The following RIPOR2 variants were observed in gnomAD, a reference collection of about 807,000 sequenced individuals.
RIPOR2 encodes the protein rho family-interacting cell polarization regulator 2.
In RIPOR2, 39 loss-of-function variants were observed where a neutral mutation model predicts 114.5. The observed-to-expected ratio is 0.34, with a 90% CI of 0.26 to 0.44. RIPOR2 has a LOEUF of 0.44. RIPOR2 is among the 20% of genes least tolerant of loss of function. The probability of loss-of-function intolerance (pLI) is 1.00; values close to 1 mark genes in which losing one functional copy is unlikely to be tolerated. For synonymous variants in RIPOR2, 445 were observed against 484.4 expected (o/e 0.92, Z 1.07); for missense variants, 1,007 against 1,255.1 (o/e 0.80, Z 2.99).
intron 1 of RIPOR2, chr6:25,014,936 T>C (rs1041784080): frequency 3.3e-5 from 5 of 152,194 alleles, no homozygotes; most frequent in Admixed American, 6.5e-5. Flanking sequence ...ACACACAAAT[T>C]TGACGAGCCA....
chr6:24,866,774 G>C (rs557561442), intron 6 of RIPOR2, among the ~76,000 whole-genome samples: 2 of 152,022 alleles, frequency 1.3e-5, no homozygotes, highest in Non-Finnish European at 2.9e-5. Context: ...ATACCATCAG[G>C]CATTGTCAAA....
intron 1 of RIPOR2, among the ~76,000 whole-genome samples, chr6:24,912,262 T>TA (rs1479026701): frequency 6.6e-6 from 1 of 152,192 alleles, no homozygotes; most frequent in Non-Finnish European, 1.5e-5. Flanking sequence ...TAGCTACATA[T>TA]TGAATGAAAG....
chr6:24,862,869 T>C (rs1376417198), intron 7 of RIPOR2, among the ~76,000 whole-genome samples: 1 of 151,234 alleles, frequency 6.6e-6, no homozygotes, highest in East Asian at 2.0e-4. Flanking sequence ...GAGCCTACCT[T>C]GACCTCATTG....
At position 24,875,766 on chromosome 6, in the gene RIPOR2, G is replaced by A. The variant is rs372342896; in HGVS notation, c.113C>T (p.Ser38Leu). Reference sequence around the variant, plus strand: ...AATGATCCCATTGGGCCCTCCAGGCGAAAAAGACTGGGATCCTACCAACAT... The same window carrying A: ...AATGATCCCATTGGGCCCTCCAGGCAAAAAAGACTGGGATCCTACCAACAT... ...EIMLVGSQSF[S>L]PGGPNGIIRS... Residue 38 changes from serine to leucine, a missense_variant, in exon 2 of 22, where the codon TCG (serine) becomes TTG (leucine). Physicochemically the swap from Ser to Leu is moderately radical, Grantham distance 145. Coordinates refer to ENST00000643898, the MANE Select transcript of RIPOR2 (RefSeq NM_001286445.3). 14 of 1,613,250 alleles carry A rather than the reference G, an allele frequency of 8.7e-6. No individual in the cohort carries two copies. The highest frequency in any genetic ancestry group is 9.3e-6 in the Non-Finnish European group (11 of 1,179,634).
chr6:24,912,905 C>G (rs1490336490), intron 1 of RIPOR2, among the ~76,000 whole-genome samples: 1 of 152,130 alleles, frequency 6.6e-6, no homozygotes, highest in Non-Finnish European at 1.5e-5. Flanking sequence ...AGATATTATC[C>G]CACTGAAGCC....
chr6:24,916,441 C>T (rs1295634596), intron 1 of RIPOR2, among the ~76,000 whole-genome samples: 15 of 152,154 alleles, frequency 9.9e-5, no homozygotes, highest in Admixed American at 9.8e-4. Context: ...TTTTGTGCTG[C>T]ATATAGGATA....
In RIPOR2 at chr6:24,843,444, G is replaced by A; in HGVS notation, c.1275C>T (p.His425=). 1 of 1,612,138 alleles carries A rather than the reference G, an allele frequency of 6.2e-7. No homozygotes were observed. Among genetic ancestry groups the A allele is most frequent in the South Asian group, 1.1e-5 (1 of 91,050 alleles). Residue 425 remains histidine, a synonymous_variant, in exon 13 of 22, where the codon CAC becomes CAT. Transcript: ENST00000643898. ...LPNGDCALTS[H]STGSPSNSTN... ...TTGAGTTGGAAGGGGAGCCTGTTGA[G>A]TGGGAGGTGAGGGCGCAGTCCCCGT...
rs751718643 is a variant in RIPOR2, at chr6:24,849,783, T to C, written c.1034+19A>G. 5.0e-6 allele frequency: 8 copies of C among 1,608,970 alleles called. No individual in the cohort carries two copies. In the South Asian group the frequency reaches 6.6e-5, roughly 13 times the overall value. ...TATCAGATATTTCTATATGATGAAA[T>C]AAAGGAAGAGGCACTTACTACCAGG... On this transcript the variant is annotated intron_variant, in intron 11 of 21. Coordinates refer to ENST00000643898, the MANE Select transcript of RIPOR2 (RefSeq NM_001286445.3).
rs1760063530 is a variant in RIPOR2 at position 24,825,286 on chromosome 6, A to G, written c.2808T>C (p.Val936=). Residue 936 remains valine (V), a synonymous_variant, in exon 19 of 22, where the codon GTT becomes GTC. Coordinates refer to ENST00000643898, the MANE Select transcript of RIPOR2 (RefSeq NM_001286445.3). ...ALLLTREDNE[V]SEAVTLYLAA... ...CCAAGTAAAGCGTCACAGCCTCACT[A>G]ACTTCGTTGTCCTCTCTGGTTAATA... 1 of 1,551,592 alleles carries G rather than the reference A, an allele frequency of 6.4e-7. No homozygotes were observed. Among genetic ancestry groups the G allele is most frequent in the Non-Finnish European group, 8.7e-7 (1 of 1,147,006 alleles).
chr6:24,878,889 G>T (rs1766076671), intron 1 of RIPOR2, among the ~76,000 whole-genome samples: 1 of 95,766 alleles, frequency 1.0e-5, no homozygotes. Context: ...ATTAAACGCT[G>T]GAGAGTAAAA....
chr6:24,828,764 AG>A (rs1184784781), intron 17 of RIPOR2, among the ~76,000 whole-genome samples: 1 of 152,030 alleles, frequency 6.6e-6, no homozygotes, highest in Non-Finnish European at 1.5e-5. Flanking sequence ...GGAAGAGACA[AG>A]TGAGAGAGGA....
intron 1 of RIPOR2, among the ~76,000 whole-genome samples, chr6:24,899,790 T>C (rs1276990697): frequency 2.6e-5 from 4 of 152,164 alleles, no homozygotes; most frequent in Non-Finnish European, 4.4e-5. Context: ...TCCTCCCCTT[T>C]TGTGGGGTTG....
chr6:24,998,064 A>G (rs2113638712), intron 1 of RIPOR2, among the ~76,000 whole-genome samples: 1 of 152,286 alleles, frequency 6.6e-6, no homozygotes, highest in South Asian at 2.1e-4. Flanking sequence ...TGGGGAGGGT[A>G]TTCCAGGTGC....
rs1292110168 is a variant in RIPOR2, at chr6:24,806,058, T to C, written c.*315A>G. 3 of 267,246 alleles carry C rather than the reference T, an allele frequency of 1.1e-5. No individual in the cohort carries two copies. Among genetic ancestry groups the C allele is most frequent in the Admixed American group, 5.7e-5 (1 of 17,474 alleles). The allele number at this position is 267,246 out of a possible 1,614,324, so 16.6% of individuals were successfully genotyped here. ...TGAATCTTCTGGGCTCAAGCAATCC[T>C]CCCACCTTAGCCTCCCAAGTAGCTG... On this transcript the variant is annotated 3_prime_UTR_variant, in exon 22 of 22. Coordinates refer to ENST00000643898, the MANE Select transcript of RIPOR2 (RefSeq NM_001286445.3).
chr6:24,830,580 CT>C lies in RIPOR2; in HGVS notation c.2434del (p.Arg812GlufsTer2). 6.4e-7 allele frequency: 1 copy of C among 1,551,594 alleles called. No individual in the cohort carries two copies. The highest frequency in any genetic ancestry group is 8.7e-7 in the Non-Finnish European group (1 of 1,146,994). On this transcript the variant is annotated frameshift_variant, in exon 17 of 22. Coordinates refer to ENST00000643898, the MANE Select transcript of RIPOR2 (RefSeq NM_001286445.3). LOFTEE classifies it high-confidence loss of function. The part of the protein sequence containing the change: ...PVGVYHSPAD[R>X]VMKQLEASFA... ...GCTGGCCTCCAGCTGCTTCATCACTCTGTCCGCTGGGCTGTGGTAGACACCA... is the reference window on the plus strand; with the variant it reads ...GCTGGCCTCCAGCTGCTTCATCACTCGTCCGCTGGGCTGTGGTAGACACCA...
intron 12 of RIPOR2, among the ~76,000 whole-genome samples, chr6:24,845,274 T>C (rs908773409): frequency 1.2e-4 from 19 of 152,266 alleles, no homozygotes; most frequent in African/African-American, 4.3e-4. Flanking sequence ...TATTTCAGTT[T>C]CTTCCCTCCC....
chr6:25,001,894 G>A (rs933955079), intron 1 of RIPOR2, among the ~76,000 whole-genome samples: 1 of 151,420 alleles, frequency 6.6e-6, no homozygotes, highest in Admixed American at 6.6e-5. Flanking sequence ...ATTTTTAGTA[G>A]AGATGGGGTT....
At chr6:24,879,373 A>G (rs1167039807) in intron 1 of RIPOR2, among the ~76,000 whole-genome samples, 2 of 152,214 alleles carry the variant, frequency 1.3e-5, no homozygotes, top group South Asian at 4.1e-4. Flanking sequence ...ACTTTTCACT[A>G]AATTTACATA....
At position 24,830,588 on chromosome 6, in the gene RIPOR2, T is replaced by C; in HGVS notation, c.2427A>G (p.Pro809=). 6.4e-7 allele frequency: 1 copy of C among 1,551,600 alleles called. No homozygotes were observed. Among genetic ancestry groups the C allele is most frequent in the Non-Finnish European group, 8.7e-7 (1 of 1,146,984 alleles). The change falls in exon 17 of 22, where the codon CCA becomes CCG. Residue 809 remains proline, a synonymous_variant. Coordinates refer to ENST00000643898, the MANE Select transcript of RIPOR2 (RefSeq NM_001286445.3). ...CCAGCTGCTTCATCACTCTGTCCGCTGGGCTGTGGTAGACACCAACAGGGC... is the reference window on the plus strand; with the variant it reads ...CCAGCTGCTTCATCACTCTGTCCGCCGGGCTGTGGTAGACACCAACAGGGC... ...CCSPVGVYHS[P]ADRVMKQLEA...
Sources: gnomAD v4.1 joint callset for allele counts (sites outside exome capture counted in the v4.1 genomes callset) on GRCh38, gnomAD v4.1.1 for gene constraint, MANE v1.5 for transcripts, NCBI Gene and HGNC (gene_info 2026-07-23, HGNC 2026-07-21) for gene names.